The following PRORP variants were observed in gnomAD, a reference collection of about 807,000 sequenced individuals.
PRORP encodes mitochondrial ribonuclease P catalytic subunit.
PRORP carries 51 observed loss-of-function variants against 59.4 expected under a neutral mutation model. The observed-to-expected ratio is 0.86, with a 90% CI of 0.69 to 1.08. The LOEUF is 1.08. Ranked by LOEUF, PRORP falls within the 50% of genes least tolerant of loss-of-function variation. The pLI is 0.00. For synonymous variants in PRORP, 231 were observed against 245.6 expected (o/e 0.94, Z 0.55); for missense variants, 646 against 690.3 (o/e 0.94, Z 0.72).
chr14:35,131,614 C>G (rs1167238278), intron 4 of PRORP, among the ~76,000 whole-genome samples: 1 of 151,600 alleles, frequency 6.6e-6, no homozygotes, highest in East Asian at 1.9e-4. Context: ...CTGCAACCTC[C>G]ACCTCCTGGG....
At chr14:35,186,764 T>TTAA (rs2048753993) in intron 5 of PRORP, among the ~76,000 whole-genome samples, 1 of 151,570 alleles carries the variant, frequency 6.6e-6, no homozygotes, top group South Asian at 2.1e-4. Flanking sequence ...GCTAATTTTA[T>TTAA]TATTATTATT....
At position 35,136,537 on chromosome 14, in the gene PRORP, G is replaced by A. The variant is rs548426907; in HGVS notation, c.1167+8926G>A. 1.9e-4 allele frequency among the ~76,000 whole-genome samples: 27 copies of A among 145,094 alleles called. 1 individual carries two copies. Among genetic ancestry groups the A allele is most frequent in the Non-Finnish European group, 3.7e-4 (24 of 65,270 alleles). ...TTACAGGCATGCACCACCACACCCGGCTAATTTTGTATTTTTAGTAGAGAC... is the reference window on the plus strand; with the variant it reads ...TTACAGGCATGCACCACCACACCCGACTAATTTTGTATTTTTAGTAGAGAC... On this transcript the variant is annotated intron_variant, in intron 4 of 7. Coordinates refer to ENST00000534898, the MANE Select transcript of PRORP (RefSeq NM_014672.4).
At chr14:35,266,534 G>T (rs1356674718) in intron 5 of PRORP, among the ~76,000 whole-genome samples, 193 bp from the exon 6 acceptor site, 1 of 152,126 alleles carries the variant, frequency 6.6e-6, no homozygotes, top group African/African-American at 2.4e-5. Context: ...CCAGCAGGCA[G>T]ATGTTAGACA....
chr14:35,188,191 ATT>A (rs35907061), intron 5 of PRORP, among the ~76,000 whole-genome samples: 10 of 111,008 alleles, frequency 9.0e-5, no homozygotes, highest in African/African-American at 1.1e-4. Context: ...TTGAGTTGTA[ATT>A]TTTTTTTTTT....
intron 5 of PRORP, among the ~76,000 whole-genome samples, chr14:35,237,795 G>A (rs1244800759): frequency 1.3e-5 from 2 of 151,942 alleles, no homozygotes; most frequent in Non-Finnish European, 2.9e-5. Context: ...TGGGACTACA[G>A]GCGTATGCCA....
intron 5 of PRORP, among the ~76,000 whole-genome samples, chr14:35,241,036 T>G (rs903657178): frequency 6.6e-6 from 1 of 152,330 alleles, no homozygotes; most frequent in Non-Finnish European, 1.5e-5. Flanking sequence ...TTACATAGCA[T>G]TCACATTATA....
intron 5 of PRORP, among the ~76,000 whole-genome samples, chr14:35,216,806 CTTG>C (rs780270630): frequency 6.6e-6 from 1 of 152,178 alleles, no homozygotes; most frequent in Non-Finnish European, 1.5e-5. Context: ...CTTGCTAGCA[CTTG>C]TTGTTAACTG....
intron 4 of PRORP, among the ~76,000 whole-genome samples, chr14:35,129,827 C>A (rs975807024): frequency 1.3e-5 from 2 of 152,066 alleles, no homozygotes; most frequent in Non-Finnish European, 2.9e-5. Flanking sequence ...TAATACTTAA[C>A]TATAGCCTAT....
intron 4 of PRORP, among the ~76,000 whole-genome samples, chr14:35,135,728 G>A (rs970268960): frequency 2.6e-5 from 4 of 152,134 alleles, no homozygotes; most frequent in Non-Finnish European, 5.9e-5. Flanking sequence ...GGGTGGCCGA[G>A]GCGGGCAGAT....
intron 4 of PRORP, among the ~76,000 whole-genome samples, chr14:35,141,237 CTTT>C (rs1311588236): frequency 7.6e-6 from 1 of 131,926 alleles, no homozygotes; most frequent in Non-Finnish European, 1.7e-5. Flanking sequence ...CCTTCTTTTT[CTTT>C]TTTTTTTTGT....
intron 7 of PRORP, among the ~76,000 whole-genome samples, chr14:35,272,124 A>C (rs911049566): frequency 6.6e-6 from 1 of 152,244 alleles, no homozygotes; most frequent in African/African-American, 2.4e-5. Flanking sequence ...TGATGACTGT[A>C]GTTAATAATA....
Position 35,178,638 on chromosome 14 carries a change from C to T in PRORP, c.1168-2032C>T, listed in dbSNP as rs189022620. Among the ~76,000 whole-genome samples the T allele has an allele frequency of 5.8e-3, 884 of 152,266 alleles. 7 individuals carry two copies. The highest frequency in any genetic ancestry group is 0.01 in the Middle Eastern group (3 of 294). ...TTTTATTTTGAGCCTATGTGTGTCT[C>T]TGCATGTGAGATGGGTCTCCTGAAT... is the stretch of plus-strand genomic sequence containing the variant. On this transcript the variant is annotated intron_variant, in intron 4 of 7. Coordinates refer to ENST00000534898, the MANE Select transcript of PRORP (RefSeq NM_014672.4).
chr14:35,153,361 G>A (rs1476983404), intron 4 of PRORP, among the ~76,000 whole-genome samples: 1 of 151,974 alleles, frequency 6.6e-6, no homozygotes, highest in Non-Finnish European at 1.5e-5. Flanking sequence ...CTTCAGCTCC[G>A]CATCAGAGGG....
At chr14:35,178,841 G>T (rs2048522768) in intron 4 of PRORP, among the ~76,000 whole-genome samples, 1 of 152,160 alleles carries the variant, frequency 6.6e-6, no homozygotes, top group Admixed American at 6.5e-5. Flanking sequence ...AGCATCGATG[G>T]TCTTTACGTT....
intron 5 of PRORP, among the ~76,000 whole-genome samples, chr14:35,234,197 G>A (rs947795201): frequency 6.6e-6 from 1 of 152,178 alleles, no homozygotes; most frequent in East Asian, 1.9e-4. Flanking sequence ...CGTCATTGTA[G>A]TTGAAATCAG....
At chr14:35,187,464 C>G (rs1458380867) in intron 5 of PRORP, among the ~76,000 whole-genome samples, 2 of 147,700 alleles carry the variant, frequency 1.4e-5, no homozygotes, top group Non-Finnish European at 3.0e-5. Flanking sequence ...CTCACTGTCA[C>G]CGAAGCTGGA....
chr14:35,267,486 G>A (rs7158706), intron 6 of PRORP, among the ~76,000 whole-genome samples: 18,981 of 152,046 alleles, frequency 0.12, 1,384 homozygotes, highest in Middle Eastern at 0.22. Flanking sequence ...CAAATAATAC[G>A]AAATATTTAA....
chr14:35,180,550 G>GTGTGTGTGTGTGTGTGTGTGTGTGTT, intron 4 of PRORP, 120 bp from the exon 5 acceptor site: 1 of 612,574 alleles, frequency 1.6e-6, no homozygotes, highest in Non-Finnish European at 2.9e-6. Context: ...GTGTGTGTGT[G>GTGTGTGTGTGTGTGTGTGTGTGTGTT]TATTTTTAAG....
At chr14:35,219,959 C>T (rs535829814) in intron 5 of PRORP, among the ~76,000 whole-genome samples, 4 of 152,214 alleles carry the variant, frequency 2.6e-5, no homozygotes, top group East Asian at 1.9e-4. Flanking sequence ...AATTCCCTGC[C>T]GCCATCTTCT....
Sources: gnomAD v4.1 joint callset for allele counts (sites outside exome capture counted in the v4.1 genomes callset) on GRCh38, gnomAD v4.1.1 for gene constraint, MANE v1.5 for transcripts, NCBI Gene and HGNC (gene_info 2026-07-23, HGNC 2026-07-21) for gene names.